Variants in FCN1 observed in about 807,000 individuals in gnomAD.
FCN1 encodes ficolin 1, also known as ficolin-1.
In FCN1, 42 loss-of-function variants were observed where a neutral mutation model predicts 35.6. The observed-to-expected ratio is 1.18, with a 90% CI of 0.92 to 1.53. The LOEUF (loss-of-function observed/expected upper bound fraction) is 1.53. FCN1 is among the 40% of genes most tolerant of loss of function. FCN1 has a pLI of 0.00. For synonymous variants in FCN1, 179 were observed against 169.8 expected (o/e 1.05, Z -0.42); for missense variants, 439 against 428.4 (o/e 1.02, Z -0.22).
Position 134,905,300 on chromosome 9 carries a change from T to C in FCN1, c.*4498A>G, listed in dbSNP as rs1830928906. On this transcript the variant is annotated 3_prime_UTR_variant, in exon 9 of 9. Transcript: ENST00000371806. ...AAATGTTGCTGGATGGGCCCACGCC[T>C]ACACTCCTACTTGAGAGGTCCCATG... is the stretch of plus-strand genomic sequence containing the variant. 6.6e-6 allele frequency among the ~76,000 whole-genome samples: 1 copy of C among 152,204 alleles called. No homozygotes were observed. Among genetic ancestry groups the C allele is most frequent in the Admixed American group, 6.5e-5 (1 of 15,274 alleles).
chr9:134,909,646 C>T lies in FCN1; in HGVS notation c.*152G>A. The T allele has an allele frequency of 6.3e-7, 1 of 1,590,044 alleles. No individual in the cohort carries two copies. Among genetic ancestry groups the T allele is most frequent in the Non-Finnish European group, 8.5e-7 (1 of 1,174,856 alleles). On this transcript the variant is annotated 3_prime_UTR_variant, in exon 9 of 9. Transcript: ENST00000371806. ...ATTCTCCCTCTGGTGAGGTTGTGGG[C>T]ATGTGGCGGCTTGACTGAGCTGGGG...
At position 134,909,072 on chromosome 9, in the gene FCN1, C is replaced by CT; in HGVS notation, c.*725dup. On this transcript the variant is annotated 3_prime_UTR_variant, in exon 9 of 9. Transcript: ENST00000371806. ...ATCATCTCCTAGAAGCCTTGTGCAG[C>CT]TTTTCCCACTGAGGTCCGCGGTCCC... 1.9e-6 allele frequency: 1 copy of CT among 527,472 alleles called. No homozygotes were observed. The highest frequency in any genetic ancestry group is 2.0e-5 in the South Asian group (1 of 51,248). 32.7% of individuals were successfully genotyped at this position (527,472 alleles called of 1,614,324 possible).
In FCN1 at chr9:134,912,396, C is replaced by T. The variant is rs140858720; in HGVS notation, c.598+90G>A. Reference sequence around the variant, plus strand: ...GCTCAGGGCCCAATCCCCTGTGGGCCAAGAGGTGCTTATGTTGCAGATGGC... The same window carrying T: ...GCTCAGGGCCCAATCCCCTGTGGGCTAAGAGGTGCTTATGTTGCAGATGGC... On this transcript the variant is annotated intron_variant, in intron 7 of 8. Transcript: ENST00000371806. 2.9e-4 allele frequency: 393 copies of T among 1,369,652 alleles called. 2 individuals carry two copies. In the African/African-American group the frequency reaches 5.0e-3, roughly 17 times the overall value. The allele number at this position is 1,369,652 out of a possible 1,614,324, so 84.8% of individuals were successfully genotyped here.
In FCN1 at chr9:134,913,058, CAG is replaced by C; in HGVS notation, c.424_425del (p.Leu142AspfsTer5). 6.2e-7 allele frequency: 1 copy of C among 1,613,248 alleles called. No homozygotes were observed. Reference sequence around the variant, plus strand: ...CCGTGTCCATGTCACAGAGCACAGTCAGGGGCCGGCAGTCGGGCAGGTAGATG... The same window carrying C: ...CCGTGTCCATGTCACAGAGCACAGTCGGGCCGGCAGTCGGGCAGGTAGATG... ...HTIYLPDCRPLTVLCDMDTDG... is the reference protein window; with the variant it reads ...HTIYLPDCRPXTVLCDMDTDG... On this transcript the variant is annotated frameshift_variant, in exon 6 of 9. Transcript: ENST00000371806. LOFTEE classifies it high-confidence loss of function.
At position 134,912,720 on chromosome 9, in the gene FCN1, C is replaced by T. The variant is rs531978976; in HGVS notation, c.469-105G>A. ...AGCATTTGTAGTTGGCAGAGCATCA[C>T]AGGCCGGTGCCACACGCACGCCCAT... On this transcript the variant is annotated intron_variant, in intron 6 of 8. Coordinates refer to ENST00000371806, the MANE Select transcript of FCN1 (RefSeq NM_002003.5). The T allele has an allele frequency of 2.4e-5, 35 of 1,473,920 alleles. No homozygotes were observed. The African/African-American group carries it at 3.9e-4, about 16-fold the overall frequency. 91.3% of individuals were successfully genotyped at this position (1,473,920 alleles called of 1,614,324 possible). A position where few individuals can be genotyped will look rare whatever the true frequency, so the allele number is the denominator to read the frequency against.
At position 134,909,860 on chromosome 9, in the gene FCN1, T is replaced by A; in HGVS notation, c.919A>T (p.Ser307Cys). The A allele has an allele frequency of 6.2e-7, 1 of 1,614,030 alleles. No individual in the cohort carries two copies. The highest frequency in any genetic ancestry group is 8.5e-7 in the Non-Finnish European group (1 of 1,180,000). ...CTATATTTGTACCCCTTCGCCGCAC[T>A]CCAGTTGATACCATTGGCATAGCTC... is the stretch of plus-strand genomic sequence containing the variant. ...HESYANGINW[S>C]AAKGYKYSYK... is the part of the protein sequence containing the mutation. Residue 307 changes from serine (S) to cysteine (C), a missense_variant, in exon 9 of 9, where the codon AGT (serine) becomes TGT (cysteine). Physicochemically the swap from Ser to Cys is moderately radical, Grantham distance 112. Coordinates refer to ENST00000371806, the MANE Select transcript of FCN1 (RefSeq NM_002003.5).
Position 134,906,204 on chromosome 9 carries a change from G to A in FCN1, c.*3594C>T, listed in dbSNP as rs1830956722. On this transcript the variant is annotated 3_prime_UTR_variant, in exon 9 of 9. Coordinates refer to ENST00000371806, the MANE Select transcript of FCN1 (RefSeq NM_002003.5). ...GATCCACCCACTTCAGCCTCCTAAA[G>A]TGCTAGGATTACAGGCGTGAGCCAC... 1 of 151,970 alleles carries A rather than the reference G, an allele frequency of 6.6e-6. No individual in the cohort carries two copies. The highest frequency in any genetic ancestry group is 2.4e-5 in the African/African-American group (1 of 41,320). 9.4% of individuals were successfully genotyped at this position (151,970 alleles called of 1,614,324 possible). A position where few individuals can be genotyped will look rare whatever the true frequency, so the allele number is the denominator to read the frequency against.
Position 134,908,556 on chromosome 9 carries a change from G to A in FCN1, c.*1242C>T, listed in dbSNP as rs1048617113. 6.5e-6 allele frequency: 1 copy of A among 153,274 alleles called. No homozygotes were observed. Among genetic ancestry groups the A allele is most frequent in the Non-Finnish European group, 1.5e-5 (1 of 68,918 alleles). The allele number at this position is 153,274 out of a possible 1,614,324, so 9.5% of individuals were successfully genotyped here. Reference sequence around the variant, plus strand: ...GTCTAATCCCATGAGTCTCAGGAGTGGAGACCCTGTCCCATGGGGCTTGGG... The same window carrying A: ...GTCTAATCCCATGAGTCTCAGGAGTAGAGACCCTGTCCCATGGGGCTTGGG... On this transcript the variant is annotated 3_prime_UTR_variant, in exon 9 of 9. Transcript: ENST00000371806.
intron 7 of FCN1, among the ~76,000 whole-genome samples, chr9:134,911,710 G>A (rs746222350): frequency 2.6e-5 from 4 of 152,078 alleles, no homozygotes; most frequent in Non-Finnish European, 5.9e-5. Context: ...AAAATCAACC[G>A]GAAATGTCAG....
chr9:134,915,631 G>T (rs1831083425), intron 2 of FCN1, among the ~76,000 whole-genome samples: 1 of 152,014 alleles, frequency 6.6e-6, no homozygotes, highest in Admixed American at 6.6e-5. Flanking sequence ...GAAAGTCCAA[G>T]TCATAGGGAC....
chr9:134,904,948 G>A lies in FCN1; in HGVS notation c.*4850C>T, dbSNP rs1254174080. Among the ~76,000 whole-genome samples the A allele has an allele frequency of 6.6e-6, 1 of 152,108 alleles. No homozygotes were observed. The highest frequency in any genetic ancestry group is 1.5e-5 in the Non-Finnish European group (1 of 68,022). ...CGGACTGCACAAAACAATACTAATA[G>A]CCATTTCTTGCAGGACTTTAAATAA... is the stretch of plus-strand genomic sequence containing the variant. On this transcript the variant is annotated 3_prime_UTR_variant, in exon 9 of 9. Coordinates refer to ENST00000371806, the MANE Select transcript of FCN1 (RefSeq NM_002003.5).
intron 8 of FCN1, 44 bp from the exon 9 acceptor site, chr9:134,910,089 C>G: frequency 6.3e-7 from 1 of 1,578,682 alleles, no homozygotes; most frequent in Non-Finnish European, 8.7e-7. Context: ...GGAAAAAGCC[C>G]TGCCACTGTG....
At chr9:134,914,484 C>T (rs1415308488) in intron 3 of FCN1, 64 bp from the exon 4 acceptor site, 1 of 1,368,920 alleles carries the variant, frequency 7.3e-7, no homozygotes, top group Non-Finnish European at 9.8e-7. Context: ...AAAGGCTGGT[C>T]CAGAGTGGGC....
At position 134,912,489 on chromosome 9, in the gene FCN1, G is replaced by A. The variant is rs1399764946; in HGVS notation, c.595C>T (p.Gln199Ter). Residue 199 changes from glutamine (Q) to a stop codon, truncating the protein, a stop_gained, in exon 7 of 9, where the codon CAG becomes TAG. Transcript: ENST00000371806. LOFTEE classifies it high-confidence loss of function. ...TGAGCCACGGCAGTGGCCCTACCCT[G>A]GGCAGTCAGGGCGTGGATGTTGTCA... ...GNDNIHALTA[Q>*]GSSELRVDLV... 11 of 1,613,790 alleles carry A rather than the reference G, an allele frequency of 6.8e-6. No homozygotes were observed. The highest frequency in any genetic ancestry group is 9.3e-6 in the Non-Finnish European group (11 of 1,179,844).
rs768822524 is a variant in FCN1, at chr9:134,913,114, G to C, written c.370C>G (p.Arg124Gly). 6.2e-7 allele frequency: 1 copy of C among 1,613,870 alleles called. No homozygotes were observed. Among genetic ancestry groups the C allele is most frequent in the Non-Finnish European group, 8.5e-7 (1 of 1,179,908 alleles). The change falls in exon 6 of 9, where the codon CGG becomes GGG. Residue 124 changes from arginine to glycine, a missense_variant. Arg to Gly is a moderately radical substitution (Grantham distance 125). Transcript: ENST00000371806. ...TGCCAGCCGCTCAGGAAATACCCCCGGTCTAGCAGGTCCTTGCAGTTGCGT... is the reference window on the plus strand; with the variant it reads ...TGCCAGCCGCTCAGGAAATACCCCCCGTCTAGCAGGTCCTTGCAGTTGCGT... Reference protein sequence around the residue: ...GPRNCKDLLDRGYFLSGWHTI... With the variant: ...GPRNCKDLLDGGYFLSGWHTI...
Position 134,913,156 on chromosome 9 carries a change from C to G in FCN1, c.341-13G>C. ...CAGTTGCGTGGGCCTGGGAAGGGAA[C>G]CCGGGGAATGGCTGCAGGACGGGGG... is the stretch of plus-strand genomic sequence containing the variant. On this transcript the variant is annotated splice_polypyrimidine_tract_variant and intron_variant, in intron 5 of 8. Transcript: ENST00000371806. 1.2e-6 allele frequency: 2 copies of G among 1,613,484 alleles called. No individual in the cohort carries two copies. The highest frequency in any genetic ancestry group is 1.7e-6 in the Non-Finnish European group (2 of 1,179,778).
chr9:134,912,386 C>A (rs2118937240), intron 7 of FCN1, 100 bp downstream of exon 7: 1 of 1,254,546 alleles, frequency 8.0e-7, no homozygotes, highest in South Asian at 1.5e-5. Context: ...GGGCCCAATC[C>A]CCTGTGGGCC....
rs968586448 is a variant in FCN1 at position 134,908,985 on chromosome 9, T to A, written c.*813A>T. ...GTCACACTTGCCACATTCCCTTTGATGCTTCTTAGGTCGTGGTTGAGAAAT... is the reference window on the plus strand; with the variant it reads ...GTCACACTTGCCACATTCCCTTTGAAGCTTCTTAGGTCGTGGTTGAGAAAT... On this transcript the variant is annotated 3_prime_UTR_variant, in exon 9 of 9. Transcript: ENST00000371806. 3.0e-5 allele frequency: 10 copies of A among 332,210 alleles called. No homozygotes were observed. Among genetic ancestry groups the A allele is most frequent in the Non-Finnish European group, 5.9e-5 (10 of 169,748 alleles). 20.6% of individuals were successfully genotyped at this position (332,210 alleles called of 1,614,324 possible).
At position 134,909,498 on chromosome 9, in the gene FCN1, T is replaced by A; in HGVS notation, c.*300A>T. 1 of 1,334,116 alleles carries A rather than the reference T, an allele frequency of 7.5e-7. No individual in the cohort carries two copies. The highest frequency in any genetic ancestry group is 9.8e-7 in the Non-Finnish European group (1 of 1,018,218). The allele number at this position is 1,334,116 out of a possible 1,614,324, so 82.6% of individuals were successfully genotyped here. A position where few individuals can be genotyped will look rare whatever the true frequency, so the allele number is the denominator to read the frequency against. On this transcript the variant is annotated 3_prime_UTR_variant, in exon 9 of 9. Coordinates refer to ENST00000371806, the MANE Select transcript of FCN1 (RefSeq NM_002003.5). ...TCCTGACTCTTCCCGACTTACCAAA[T>A]TCCAGGGAAAGACCTGCCGTGCAAC...
Sources: allele counts gnomAD v4.1 joint callset (sites outside exome capture counted in the v4.1 genomes callset), GRCh38; gene constraint gnomAD v4.1.1; transcripts MANE v1.5; gene names NCBI Gene and HGNC (gene_info 2026-07-23, HGNC 2026-07-21).